The following ADGRL3 variants were observed in gnomAD, a reference collection of about 807,000 sequenced individuals.
ADGRL3 encodes adhesion G protein-coupled receptor L3.
ADGRL3 carries 62 observed loss-of-function variants against 153.5 expected under a neutral mutation model. The observed-to-expected ratio is 0.40, with a 90% confidence interval of 0.33 to 0.50. ADGRL3 has a LOEUF of 0.50. Ranked by LOEUF, ADGRL3 falls within the 20% of genes least tolerant of loss-of-function variation. The probability of loss-of-function intolerance (pLI) is 0.47; values close to 1 mark genes in which losing one functional copy is unlikely to be tolerated. For missense variants in ADGRL3, 1,641 were observed against 1,859.4 expected, an observed-to-expected ratio of 0.88 and a Z score of 2.16; for synonymous variants, 710 against 672.5, an observed-to-expected ratio of 1.06 and a Z score of -0.86.
rs557185726 is a variant in ADGRL3, at chr4:62,029,606, A to G, written c.3422+725A>G. ...TTGGTAACCTATGGGCAACCTTGCT[A>G]TAGACTTTCAGTTTGTTCTTCTGGT... On this transcript the variant is annotated intron_variant, in intron 22 of 26. Transcript: ENST00000683033. Among the ~76,000 whole-genome samples, 3 of 151,662 alleles carry G rather than the reference A, an allele frequency of 2.0e-5. No homozygotes were observed. In the South Asian group the frequency reaches 6.2e-4, roughly 31 times the overall value.
intron 2 of ADGRL3, among the ~76,000 whole-genome samples, chr4:61,487,049 C>T (rs1281329332): frequency 6.6e-6 from 1 of 152,204 alleles, no homozygotes; most frequent in East Asian, 1.9e-4. Flanking sequence ...TATAGCTATA[C>T]TCTAGGTCTT....
rs766247902 is a variant in ADGRL3 at position 61,935,018 on chromosome 4, A to G, written c.2291A>G (p.Asn764Ser). 2 of 1,613,484 alleles carry G rather than the reference A, an allele frequency of 1.2e-6. No individual in the cohort carries two copies. Among genetic ancestry groups the G allele is most frequent in the Non-Finnish European group, 1.7e-6 (2 of 1,179,548 alleles). Reference protein sequence around the residue: ...KTDIVRENTDNIKLEVARLST... With the variant: ...KTDIVRENTDSIKLEVARLST... Reference sequence around the variant, plus strand: ...GACATTGTCAGGGAGAATACAGACAATATTAGTAAGTGGCCTTTGTTATTC... The same window carrying G: ...GACATTGTCAGGGAGAATACAGACAGTATTAGTAAGTGGCCTTTGTTATTC... Residue 764 changes from asparagine to serine, a missense_variant, in exon 14 of 27, where the codon AAT becomes AGT. By Grantham distance (46) the Asn-to-Ser change is conservative. Around this residue, in one of 5 missense-constraint regions of ADGRL3, gnomAD observed 734 missense variants for 797.0 expected, o/e 0.92. Coordinates refer to ENST00000683033, the MANE Select transcript of ADGRL3 (RefSeq NM_001387552.1).
chr4:61,816,411 C>T (rs1306292399), intron 9 of ADGRL3, among the ~76,000 whole-genome samples: 1 of 152,146 alleles, frequency 6.6e-6, no homozygotes, highest in Non-Finnish European at 1.5e-5. Flanking sequence ...ATGTCTCTCT[C>T]TTTATTCAGC....
chr4:61,472,302 A>G (rs1004708400), intron 2 of ADGRL3, among the ~76,000 whole-genome samples: 5 of 152,014 alleles, frequency 3.3e-5, no homozygotes, highest in African/African-American at 1.2e-4. Context: ...ATGATCTTAT[A>G]TTTTCTATGG....
chr4:61,908,362 C>T (rs894235479), intron 11 of ADGRL3, among the ~76,000 whole-genome samples: 5 of 151,982 alleles, frequency 3.3e-5, no homozygotes, highest in East Asian at 3.9e-4. Context: ...TTTGGGAGGC[C>T]GAGACGGGTA....
chr4:61,406,583 T>C (rs1033403321), intron 2 of ADGRL3, among the ~76,000 whole-genome samples: 5 of 151,920 alleles, frequency 3.3e-5, no homozygotes, highest in Non-Finnish European at 7.4e-5. Flanking sequence ...ATGTCATTCC[T>C]GGGCTTATAT....
rs2098718829 is a variant in ADGRL3 at position 61,910,889 on chromosome 4, C to G, written c.2073+1144C>G. Among the ~76,000 whole-genome samples, 3 of 23,376 alleles carry G rather than the reference C, an allele frequency of 1.3e-4. No homozygotes were observed. The South Asian group carries it at 3.4e-3, about 27-fold the overall frequency. The allele number at this position is 23,376 out of a possible 152,430, so 15.3% of individuals were successfully genotyped here. A position where few individuals can be genotyped will look rare whatever the true frequency, so the allele number is the denominator to read the frequency against. ...AAAGCCAGATATTTTATCTGGCAAA[C>G]AGTTTTTTTTTTTTCCCCTGCAATT... is the stretch of plus-strand genomic sequence containing the variant. On this transcript the variant is annotated intron_variant, in intron 12 of 26. Transcript: ENST00000683033.
chr4:61,339,923 C>G (rs918427073), intron 1 of ADGRL3, among the ~76,000 whole-genome samples: 2 of 152,086 alleles, frequency 1.3e-5, no homozygotes, highest in Non-Finnish European at 2.9e-5. Flanking sequence ...GGCAGTAACT[C>G]TTCAGGCAGA....
At chr4:61,895,685 G>C in intron 10 of ADGRL3, 46 bp from the exon 11 acceptor site, 1 of 980,010 alleles carries the variant, frequency 1.0e-6, no homozygotes, top group Non-Finnish European at 1.6e-6. Flanking sequence ...TGGATGTGAA[G>C]TCATTCTAAG....
intron 1 of ADGRL3, among the ~76,000 whole-genome samples, chr4:61,310,478 G>T (rs2094955977): frequency 6.6e-6 from 1 of 152,042 alleles, no homozygotes; most frequent in African/African-American, 2.4e-5. Context: ...AAGGGCATGG[G>T]TTATTCCAGG....
intron 2 of ADGRL3, among the ~76,000 whole-genome samples, chr4:61,479,504 T>G (rs2098108717): frequency 6.6e-6 from 1 of 152,134 alleles, no homozygotes; most frequent in South Asian, 2.1e-4. Context: ...GAATGATTCT[T>G]AAAGGGGATC....
At chr4:61,637,727 C>CT (rs2093486281) in intron 5 of ADGRL3, among the ~76,000 whole-genome samples, 3 of 152,292 alleles carry the variant, frequency 2.0e-5, no homozygotes, top group African/African-American at 7.2e-5. Flanking sequence ...TGCCACTGCA[C>CT]TCCAGCCTGG....
chr4:61,729,806 A>G (rs1199268581), intron 6 of ADGRL3, among the ~76,000 whole-genome samples: 1 of 152,042 alleles, frequency 6.6e-6, no homozygotes, highest in African/African-American at 2.4e-5. Flanking sequence ...TCAGTACCTT[A>G]AAAATAATTA....
chr4:61,745,307 T>C (rs564989008), intron 8 of ADGRL3, among the ~76,000 whole-genome samples: 4 of 152,270 alleles, frequency 2.6e-5, no homozygotes, highest in African/African-American at 9.6e-5. Context: ...CCAGGAGAAC[T>C]TCCCCAATCT....
At chr4:61,909,378 G>T (rs527432352) in intron 11 of ADGRL3, among the ~76,000 whole-genome samples, 182 bp from the exon 12 acceptor site, 1 of 152,146 alleles carries the variant, frequency 6.6e-6, no homozygotes, top group Non-Finnish European at 1.5e-5. Context: ...TTAAAGTCAA[G>T]TTTTCAAGAA....
In ADGRL3 at chr4:61,602,213, A is replaced by C. The variant is rs551197534; in HGVS notation, c.473+14773A>C. On this transcript the variant is annotated intron_variant, in intron 5 of 26. Transcript: ENST00000683033. ...AGGGTCTCCCCATCAAGGCTAAAGC[A>C]GTTTCAAGACTCAGTAAGTCCAACG... Among the ~76,000 whole-genome samples, 3 of 152,266 alleles carry C rather than the reference A, an allele frequency of 2.0e-5. No homozygotes were observed. The South Asian group carries it at 6.2e-4, about 32-fold the overall frequency.
chr4:61,922,589 G>T (rs2098774879), intron 13 of ADGRL3, among the ~76,000 whole-genome samples: 1 of 152,158 alleles, frequency 6.6e-6, no homozygotes, highest in African/African-American at 2.4e-5. Context: ...AGCTCTGCTA[G>T]GCTGTGGCAG....
intron 1 of ADGRL3, among the ~76,000 whole-genome samples, chr4:61,242,395 A>G (rs1264396260): frequency 2.0e-5 from 3 of 152,078 alleles, no homozygotes; most frequent in Non-Finnish European, 2.9e-5. Flanking sequence ...TTTCAAACAC[A>G]TCGGAGTGTG....
intron 6 of ADGRL3, among the ~76,000 whole-genome samples, chr4:61,679,850 A>T (rs1010414169): frequency 2.6e-5 from 4 of 152,034 alleles, no homozygotes; most frequent in Admixed American, 6.6e-5. Flanking sequence ...TGAGCTATTT[A>T]ATCTTATATA....
Sources: gnomAD v4.1 joint callset for allele counts (sites outside exome capture counted in the v4.1 genomes callset) on GRCh38, gnomAD v4.1.1 for gene constraint, gnomAD v4.1.1 regional missense constraint, MANE v1.5 for transcripts, NCBI Gene and HGNC (gene_info 2026-07-23, HGNC 2026-07-21) for gene names.